Variants in CARMIL1 observed in about 807,000 individuals in gnomAD.
The protein encoded by CARMIL1 is F-actin-uncapping protein LRRC16A.
A neutral mutation model predicts 177.1 loss-of-function variants in CARMIL1; 90 were observed. The observed-to-expected ratio is 0.51, with a 90% CI of 0.43 to 0.61. The LOEUF (loss-of-function observed/expected upper bound fraction) is 0.61. Ranked by LOEUF, CARMIL1 falls within the 20% of genes least tolerant of loss-of-function variation. The pLI, the probability that CARMIL1 is intolerant of heterozygous loss-of-function variation, is 0.00. For missense variants in CARMIL1, 1,380 were observed against 1,667.0 expected, an observed-to-expected ratio of 0.83 and a Z score of 3.00; for synonymous variants, 577 against 606.2, an observed-to-expected ratio of 0.95 and a Z score of 0.71.
intron 2 of CARMIL1, among the ~76,000 whole-genome samples, chr6:25,366,597 A>G (rs1333160735): frequency 6.6e-6 from 1 of 150,916 alleles, no homozygotes; most frequent in Non-Finnish European, 1.5e-5. Context: ...TATTTTGCTC[A>G]CTGCTGTATA....
intron 29 of CARMIL1, among the ~76,000 whole-genome samples, chr6:25,559,256 C>G (rs186056290): frequency 6.6e-6 from 1 of 152,248 alleles, no homozygotes; most frequent in African/African-American, 2.4e-5. Flanking sequence ...ATCAAAGTAG[C>G]AAACCATTAT....
chr6:25,404,827 G>C (rs921699293), intron 2 of CARMIL1, among the ~76,000 whole-genome samples: 1 of 145,810 alleles, frequency 6.9e-6, no homozygotes, highest in Admixed American at 6.8e-5. Context: ...CCAAACTGGG[G>C]CACCCGGCCT....
intron 9 of CARMIL1, among the ~76,000 whole-genome samples, chr6:25,467,300 A>G (rs995705194): frequency 6.6e-6 from 1 of 152,146 alleles, no homozygotes; most frequent in African/African-American, 2.4e-5. Context: ...GGATGGGACC[A>G]TTTCCAGGAC....
At chr6:25,320,192 C>G (rs1784577289) in intron 2 of CARMIL1, among the ~76,000 whole-genome samples, 1 of 152,184 alleles carries the variant, frequency 6.6e-6, no homozygotes, top group Admixed American at 6.5e-5. Flanking sequence ...ACCCCTCTGT[C>G]TACATTAGAA....
intron 9 of CARMIL1, among the ~76,000 whole-genome samples, chr6:25,466,358 G>A (rs1481416413): frequency 6.6e-6 from 1 of 152,122 alleles, no homozygotes; most frequent in East Asian, 1.9e-4. Context: ...GAGTTCCCCT[G>A]GTCGAGTAAT....
intron 2 of CARMIL1, among the ~76,000 whole-genome samples, chr6:25,293,527 A>G (rs944300381): frequency 6.6e-6 from 1 of 151,642 alleles, no homozygotes; most frequent in African/African-American, 2.4e-5. Flanking sequence ...TGGGACTACA[A>G]TCACATGCCA....
At chr6:25,428,230 T>C (rs188839417) in intron 4 of CARMIL1, among the ~76,000 whole-genome samples, 2 of 151,704 alleles carry the variant, frequency 1.3e-5, no homozygotes, top group East Asian at 3.9e-4. Context: ...TTAGTTTGTC[T>C]TTTTTTTCTC....
chr6:25,406,084 C>T (rs926754943), intron 2 of CARMIL1, among the ~76,000 whole-genome samples: 5 of 152,160 alleles, frequency 3.3e-5, no homozygotes, highest in African/African-American at 1.2e-4. Context: ...TCCCAGGCAC[C>T]TTGCAGTCTA....
intron 4 of CARMIL1, among the ~76,000 whole-genome samples, chr6:25,429,993 G>A (rs746188010): frequency 6.6e-6 from 1 of 151,756 alleles, no homozygotes; most frequent in Non-Finnish European, 1.5e-5. Context: ...CTACAAGCAC[G>A]CGTCATGACA....
chr6:25,492,969 T>A (rs1392907653), intron 15 of CARMIL1, among the ~76,000 whole-genome samples: 1 of 152,168 alleles, frequency 6.6e-6, no homozygotes, highest in East Asian at 1.9e-4. Flanking sequence ...GAAAATATAA[T>A]GGTGGGAAAA....
At chr6:25,523,410 G>A (rs899877510) in intron 23 of CARMIL1, among the ~76,000 whole-genome samples, 2 of 152,080 alleles carry the variant, frequency 1.3e-5, no homozygotes, top group African/African-American at 4.8e-5. Flanking sequence ...AATAAATGAT[G>A]CAGTAGGTTC....
Position 25,308,527 on chromosome 6 carries a change from G to A in CARMIL1, c.138+23618G>A, listed in dbSNP as rs142170695. On this transcript the variant is annotated intron_variant, in intron 2 of 36. Transcript: ENST00000329474. ...CTCCCGAGTAGCAGGGACTACAGGCGCGTGCCACCACACCTGGTTAATTTT... is the reference window on the plus strand; with the variant it reads ...CTCCCGAGTAGCAGGGACTACAGGCACGTGCCACCACACCTGGTTAATTTT... Among the ~76,000 whole-genome samples the A allele has an allele frequency of 8.6e-3, 1,302 of 151,992 alleles. 5 individuals carry two copies. Among genetic ancestry groups the A allele is most frequent in the Non-Finnish European group, 0.015 (1,040 of 67,958 alleles).
intron 2 of CARMIL1, among the ~76,000 whole-genome samples, chr6:25,351,578 G>A (rs1303133056): frequency 6.6e-6 from 1 of 152,116 alleles, no homozygotes; most frequent in Non-Finnish European, 1.5e-5. Flanking sequence ...ACGGTTTTTG[G>A]TGCATTTAGT....
At chr6:25,473,464 T>G (rs962674698) in intron 11 of CARMIL1, among the ~76,000 whole-genome samples, 6 of 152,190 alleles carry the variant, frequency 3.9e-5, no homozygotes, top group Admixed American at 3.9e-4. Context: ...TTGTATTCTT[T>G]AAGCTAAATA....
intron 8 of CARMIL1, among the ~76,000 whole-genome samples, chr6:25,450,983 C>T (rs1332397870): frequency 0.036 from 182 of 5,028 alleles, 9 homozygotes; most frequent in East Asian, 0.05. Context: ...TCTCCTCTCC[C>T]CCTCCCCTCT....
At chr6:25,297,539 A>G (rs899629840) in intron 2 of CARMIL1, among the ~76,000 whole-genome samples, 2 of 152,156 alleles carry the variant, frequency 1.3e-5, no homozygotes, top group African/African-American at 4.8e-5. Flanking sequence ...TTCTTGGCAA[A>G]GCCTGGATGC....
At chr6:25,348,294 G>A (rs573159576) in intron 2 of CARMIL1, among the ~76,000 whole-genome samples, 3 of 151,644 alleles carry the variant, frequency 2.0e-5, no homozygotes, top group Admixed American at 1.3e-4. Context: ...CACCACAGCC[G>A]GCTAATTTTG....
intron 8 of CARMIL1, among the ~76,000 whole-genome samples, chr6:25,457,456 G>C (rs536847851): frequency 6.6e-6 from 1 of 152,208 alleles, no homozygotes; most frequent in East Asian, 1.9e-4. Context: ...GAGTGGTTCC[G>C]CTAATAATTT....
At chr6:25,576,948 T>G (rs1812642576) in intron 29 of CARMIL1, 1 of 980,698 alleles carries the variant, frequency 1.0e-6, no homozygotes, top group Non-Finnish European at 1.2e-6. Flanking sequence ...CCATTCATAT[T>G]TTTTTTCTTT....
Sources: gnomAD v4.1 joint callset for allele counts (sites outside exome capture counted in the v4.1 genomes callset) on GRCh38, gnomAD v4.1.1 for gene constraint, MANE v1.5 for transcripts, NCBI Gene and HGNC (gene_info 2026-07-23, HGNC 2026-07-21) for gene names.